SPOCK3: variants seen among roughly 807,000 people sequenced by gnomAD.
The protein encoded by SPOCK3 is testican-3.
SPOCK3 carries 30 observed loss-of-function variants against 56.6 expected under a neutral mutation model. The observed-to-expected ratio is 0.53, with a 90% CI of 0.40 to 0.72. The LOEUF (loss-of-function observed/expected upper bound fraction) is 0.72, where lower values mean the gene tolerates loss of function less well. Among genes scored for constraint, SPOCK3 ranks in the 30% least tolerant of loss-of-function variants. SPOCK3 has a pLI of 0.00. For synonymous variants in SPOCK3, 196 were observed against 183.3 expected (o/e 1.07, Z -0.56); for missense variants, 527 against 530.0 (o/e 0.99, Z 0.06).
At chr4:166,771,776 A>T (rs1040189222) in intron 7 of SPOCK3, among the ~76,000 whole-genome samples, 5 of 152,072 alleles carry the variant, frequency 3.3e-5, no homozygotes, top group Non-Finnish European at 5.9e-5. Flanking sequence ...CTTTTGTTTC[A>T]CACTATATTG....
At chr4:166,875,575 A>G (rs1315382848) in intron 6 of SPOCK3, among the ~76,000 whole-genome samples, 1 of 152,172 alleles carries the variant, frequency 6.6e-6, no homozygotes, top group Non-Finnish European at 1.5e-5. Flanking sequence ...AGTTTACCAT[A>G]CCCACACCCT....
intron 8 of SPOCK3, 48 bp downstream of exon 8, chr4:166,754,460 T>A: frequency 6.4e-7 from 1 of 1,568,656 alleles, no homozygotes; most frequent in Non-Finnish European, 8.6e-7. Flanking sequence ...TAAGTAAAAT[T>A]TGACATGCAG....
At chr4:167,079,617 A>T (rs1757534511) in intron 2 of SPOCK3, among the ~76,000 whole-genome samples, 1 of 151,956 alleles carries the variant, frequency 6.6e-6, no homozygotes, top group Non-Finnish European at 1.5e-5. Context: ...AAGAAAAAAA[A>T]ATCAAATGTA....
intron 2 of SPOCK3, among the ~76,000 whole-genome samples, chr4:167,208,070 C>G (rs1365601021): frequency 2.6e-5 from 4 of 152,034 alleles, no homozygotes. Flanking sequence ...TCCCAGATTC[C>G]TAAGTATTTG....
At chr4:167,096,002 C>A (rs1013102312) in intron 2 of SPOCK3, among the ~76,000 whole-genome samples, 8 of 151,710 alleles carry the variant, frequency 5.3e-5, no homozygotes, top group South Asian at 2.1e-4. Context: ...AGAAAAAAAA[C>A]CAATTGCAAT....
chr4:167,205,504 TTATATAA>T (rs1734157469), intron 2 of SPOCK3, among the ~76,000 whole-genome samples: 2 of 56,338 alleles, frequency 3.6e-5, no homozygotes, highest in Admixed American at 3.5e-4. Context: ...ATAATATATA[TTATATAA>T]TATATATTAT....
At chr4:167,073,965 A>T (rs888618365) in intron 2 of SPOCK3, among the ~76,000 whole-genome samples, 1 of 151,836 alleles carries the variant, frequency 6.6e-6, no homozygotes. Context: ...TATAATGTGT[A>T]TATCTTGGAG....
intron 3 of SPOCK3, among the ~76,000 whole-genome samples, chr4:167,045,459 T>C (rs1443814532): frequency 3.3e-5 from 5 of 152,080 alleles, no homozygotes; most frequent in African/African-American, 1.2e-4. Context: ...GCTTTGTGCT[T>C]TGTTTCTATT....
At chr4:167,001,300 C>A (rs1291920887) in intron 3 of SPOCK3, among the ~76,000 whole-genome samples, 1 of 152,130 alleles carries the variant, frequency 6.6e-6, no homozygotes, top group African/African-American at 2.4e-5. Context: ...TCCCCTCCAA[C>A]TAGTATTAGG....
chr4:166,986,518 A>G lies in SPOCK3; in HGVS notation c.350+13831T>C, dbSNP rs1747191332. 2.0e-5 allele frequency among the ~76,000 whole-genome samples: 3 copies of G among 152,104 alleles called. No individual in the cohort carries two copies. In the South Asian group the frequency reaches 6.2e-4, roughly 32 times the overall value. ...GGGAAATCTGCACCTTCTCAGGATT[A>G]GGCCCCTGTGTTTCCAAGCCATCTT... On this transcript the variant is annotated intron_variant, in intron 4 of 10. Transcript: ENST00000357545.
intron 7 of SPOCK3, among the ~76,000 whole-genome samples, chr4:166,771,582 A>C (rs1255933252): frequency 1.3e-5 from 2 of 152,058 alleles, no homozygotes; most frequent in Non-Finnish European, 2.9e-5. Context: ...GCAAGCATGC[A>C]CACCTGTATG....
chr4:167,191,684 GA>G (rs1273450072), intron 2 of SPOCK3, among the ~76,000 whole-genome samples: 1 of 143,440 alleles, frequency 7.0e-6, no homozygotes, highest in Non-Finnish European at 1.5e-5. Context: ...TTTTTTTTGT[GA>G]AGTCTTTATA....
At chr4:166,896,730 T>C (rs916727795) in intron 5 of SPOCK3, among the ~76,000 whole-genome samples, 3 of 152,220 alleles carry the variant, frequency 2.0e-5, no homozygotes, top group African/African-American at 7.2e-5. Context: ...TCTCCATGAA[T>C]GAGAAACTTA....
At chr4:166,831,157 T>C (rs1746004450) in intron 6 of SPOCK3, among the ~76,000 whole-genome samples, 1 of 152,208 alleles carries the variant, frequency 6.6e-6, no homozygotes, top group Non-Finnish European at 1.5e-5. Context: ...ATGTTAGCCA[T>C]GTTGAGTCTT....
chr4:167,012,270 T>A (rs1404503003), intron 3 of SPOCK3, among the ~76,000 whole-genome samples: 2 of 151,930 alleles, frequency 1.3e-5, no homozygotes, highest in Non-Finnish European at 2.9e-5. Context: ...CCTCTACTAG[T>A]ATATATGCAA....
intron 2 of SPOCK3, among the ~76,000 whole-genome samples, chr4:167,076,326 TAGCA>T (rs1375656107): frequency 4.0e-5 from 6 of 151,848 alleles, no homozygotes; most frequent in African/African-American, 1.4e-4. Flanking sequence ...CCAGAAGGTT[TAGCA>T]ATTGTAACAA....
At chr4:166,907,668 A>C (rs1736774868) in intron 5 of SPOCK3, among the ~76,000 whole-genome samples, 1 of 152,116 alleles carries the variant, frequency 6.6e-6, no homozygotes, top group Non-Finnish European at 1.5e-5. Flanking sequence ...ACACTCCTCA[A>C]ATATAGAGGT....
intron 4 of SPOCK3, among the ~76,000 whole-genome samples, chr4:166,976,229 G>A (rs1360748541): frequency 6.6e-6 from 1 of 152,032 alleles, no homozygotes; most frequent in Non-Finnish European, 1.5e-5. Flanking sequence ...AACTTTTGGA[G>A]GCATCATTGA....
intron 6 of SPOCK3, among the ~76,000 whole-genome samples, chr4:166,825,899 G>A (rs967813907): frequency 6.6e-6 from 1 of 152,036 alleles, no homozygotes; most frequent in Non-Finnish European, 1.5e-5. Flanking sequence ...GGGGAAGGTT[G>A]GAAGGGAGGA....
Sources: gnomAD v4.1 joint callset for allele counts (sites outside exome capture counted in the v4.1 genomes callset) on GRCh38, gnomAD v4.1.1 for gene constraint, MANE v1.5 for transcripts, NCBI Gene and HGNC (gene_info 2026-07-23, HGNC 2026-07-21) for gene names.